ZNF322: variants seen among roughly 807,000 people sequenced by gnomAD.
ZNF322 encodes the protein zinc finger protein 322, also known as HLA complex group 12.
ZNF322 carries 1 observed loss-of-function variant against 18.3 expected under a neutral mutation model. The ratio of observed to expected loss-of-function variants is 0.05; its 90% confidence interval spans 0.02 to 0.26. The LOEUF is 0.26. Ranked by LOEUF, ZNF322 falls within the 10% of genes least tolerant of loss-of-function variation. The pLI is 1.00. For synonymous variants in ZNF322, 17 were observed against 130.7 expected (o/e 0.13, Z 5.93); for missense variants, 36 against 403.6 (o/e 0.09, Z 7.80).
intron 3 of ZNF322, among the ~76,000 whole-genome samples, chr6:26,640,437 C>T (rs1765446608): frequency 2.0e-5 from 3 of 152,164 alleles, no homozygotes; most frequent in Admixed American, 2.0e-4. Flanking sequence ...ATTTCAGGGT[C>T]TTTATCCTTG....
chr6:26,644,114 A>G (rs1346877342), intron 2 of ZNF322, among the ~76,000 whole-genome samples: 1 of 152,222 alleles, frequency 6.6e-6, no homozygotes, highest in Non-Finnish European at 1.5e-5. Flanking sequence ...TTATAACAAA[A>G]TTACCACCTT....
chr6:26,642,320 A>G (rs1469889015), intron 3 of ZNF322, among the ~76,000 whole-genome samples: 1 of 152,202 alleles, frequency 6.6e-6, no homozygotes, highest in Non-Finnish European at 1.5e-5. Flanking sequence ...GGGAACTCAG[A>G]TACCAGTGCT....
chr6:26,653,285 G>C (rs576680844), intron 2 of ZNF322, among the ~76,000 whole-genome samples: 5 of 152,248 alleles, frequency 3.3e-5, no homozygotes, highest in African/African-American at 1.2e-4. Context: ...AATGCATATG[G>C]GTACAATCTC....
chr6:26,655,039 C>T (rs970328730), intron 2 of ZNF322, among the ~76,000 whole-genome samples: 2 of 151,912 alleles, frequency 1.3e-5, no homozygotes, highest in Admixed American at 6.6e-5. Flanking sequence ...AATCTGATCA[C>T]GAGGGAACAT....
At chr6:26,640,183 T>C (rs1765442760) in intron 3 of ZNF322, among the ~76,000 whole-genome samples, 1 of 152,218 alleles carries the variant, frequency 6.6e-6, no homozygotes. Flanking sequence ...TAAAACGCTT[T>C]GAAATAAATA....
At position 26,659,557 on chromosome 6, in the gene ZNF322, C is replaced by T. The variant is rs1270104545; in HGVS notation, c.-451G>A. ...ACTCTGCGATAGTAGATCTAAGGGC[C>T]AGGCTTCGGGAAGGAAAGAAAAGCG... On this transcript the variant is annotated 5_prime_UTR_variant, in exon 1 of 4. Transcript: ENST00000415922. 6.0e-6 allele frequency: 1 copy of T among 166,692 alleles called. No individual in the cohort carries two copies. Among genetic ancestry groups the T allele is most frequent in the African/African-American group, 2.4e-5 (1 of 41,470 alleles). 10.3% of individuals were successfully genotyped at this position (166,692 alleles called of 1,614,324 possible). A position where few individuals can be genotyped will look rare whatever the true frequency, so the allele number is the denominator to read the frequency against.
intron 3 of ZNF322, among the ~76,000 whole-genome samples, chr6:26,642,459 T>C (rs1581489498): frequency 6.6e-6 from 1 of 152,170 alleles, no homozygotes; most frequent in East Asian, 1.9e-4. Context: ...CCACAGGACC[T>C]TGCAAGAAAT....
intron 2 of ZNF322, among the ~76,000 whole-genome samples, chr6:26,655,992 T>C (rs1455497565): frequency 6.6e-6 from 1 of 152,240 alleles, no homozygotes; most frequent in African/African-American, 2.4e-5. Flanking sequence ...GTTTGTTTAA[T>C]AGACAGAGGC....
chr6:26,656,536 T>C (rs536361294), intron 2 of ZNF322, among the ~76,000 whole-genome samples: 2 of 152,204 alleles, frequency 1.3e-5, no homozygotes, highest in South Asian at 4.1e-4. Flanking sequence ...ATGATTAATA[T>C]GAAGATTATG....
chr6:26,659,043 A>G (rs1192506840), intron 1 of ZNF322, among the ~76,000 whole-genome samples: 1 of 152,182 alleles, frequency 6.6e-6, no homozygotes. Context: ...ATATAATATA[A>G]AGTTATCTGT....
intron 3 of ZNF322, among the ~76,000 whole-genome samples, chr6:26,642,435 C>T (rs1339382474): frequency 1.3e-5 from 2 of 152,192 alleles, no homozygotes; most frequent in Non-Finnish European, 2.9e-5. Flanking sequence ...CTCAGTCTCT[C>T]GTCTCCACCT....
intron 2 of ZNF322, among the ~76,000 whole-genome samples, chr6:26,645,545 C>A (rs187290059): frequency 5.3e-5 from 8 of 152,066 alleles, no homozygotes; most frequent in Admixed American, 4.6e-4. Flanking sequence ...TGGACCATAT[C>A]CCCCACAAAT....
intron 2 of ZNF322, among the ~76,000 whole-genome samples, chr6:26,650,975 G>C (rs1765658308): frequency 6.6e-6 from 1 of 152,174 alleles, no homozygotes; most frequent in African/African-American, 2.4e-5. Context: ...TCATAATGCT[G>C]AAGGGCAGGA....
Position 26,635,015 on chromosome 6 carries a change from T to C in ZNF322, c.*2330A>G, listed in dbSNP as rs1178859560. 2.5e-5 allele frequency: 3 copies of C among 118,324 alleles called. No homozygotes were observed. The highest frequency in any genetic ancestry group is 3.5e-5 in the Non-Finnish European group (2 of 56,902). The allele number at this position is 118,324 out of a possible 1,614,324, so 7.3% of individuals were successfully genotyped here. ...CAACTTTTTATGATACAAGAGCTATTTCTAAATATTACAAAAACATGTCAG... is the reference window on the plus strand; with the variant it reads ...CAACTTTTTATGATACAAGAGCTATCTCTAAATATTACAAAAACATGTCAG... On this transcript the variant is annotated 3_prime_UTR_variant, in exon 4 of 4. Coordinates refer to ENST00000415922, the MANE Select transcript of ZNF322 (RefSeq NM_024639.5).
chr6:26,658,640 G>C lies in ZNF322; in HGVS notation c.-328C>G, dbSNP rs1343221617. 2 of 166,540 alleles carry C rather than the reference G, an allele frequency of 1.2e-5. No homozygotes were observed. The highest frequency in any genetic ancestry group is 2.9e-5 in the Non-Finnish European group (2 of 68,104). The allele number at this position is 166,540 out of a possible 1,614,324, so 10.3% of individuals were successfully genotyped here. A position where few individuals can be genotyped will look rare whatever the true frequency, so the allele number is the denominator to read the frequency against. Reference sequence around the variant, plus strand: ...GAACTATTCACAACACTCAATTCTTGCCTCTCCTAGAGGAAAAATCAATAA... The same window carrying C: ...GAACTATTCACAACACTCAATTCTTCCCTCTCCTAGAGGAAAAATCAATAA... On this transcript the variant is annotated 5_prime_UTR_variant, in exon 2 of 4. Transcript: ENST00000415922.
intron 2 of ZNF322, among the ~76,000 whole-genome samples, chr6:26,652,878 A>C (rs925026168): frequency 3.3e-5 from 5 of 152,114 alleles, no homozygotes; most frequent in African/African-American, 1.2e-4. Flanking sequence ...TGGTATGTGC[A>C]TGTGTCAGGG....
chr6:26,642,090 G>A (rs1316152441), intron 3 of ZNF322, among the ~76,000 whole-genome samples: 2 of 152,208 alleles, frequency 1.3e-5, no homozygotes, highest in East Asian at 3.8e-4. Context: ...GAGACATGCT[G>A]GAGGCAATAC....
intron 2 of ZNF322, among the ~76,000 whole-genome samples, chr6:26,644,794 T>C (rs1305969566): frequency 6.6e-6 from 1 of 152,172 alleles, no homozygotes; most frequent in African/African-American, 2.4e-5. Context: ...ATTTATTTAT[T>C]TATCTATTTA....
At chr6:26,643,420 T>G (rs531786613) in intron 3 of ZNF322, among the ~76,000 whole-genome samples, 21 of 152,370 alleles carry the variant, frequency 1.4e-4, no homozygotes, top group African/African-American at 4.8e-4. Context: ...TATTGTCTAT[T>G]GCTAAAATAT....
Sources: allele counts gnomAD v4.1 joint callset (sites outside exome capture counted in the v4.1 genomes callset), GRCh38; gene constraint gnomAD v4.1.1; transcripts MANE v1.5; gene names NCBI Gene and HGNC (gene_info 2026-07-23, HGNC 2026-07-21).